NOP14: variants seen among roughly 807,000 people sequenced by gnomAD.
NOP14 encodes nucleolar protein 14.
In NOP14, 57 loss-of-function variants were observed where a neutral mutation model predicts 101.6. The ratio of observed to expected loss-of-function variants is 0.56; its 90% confidence interval spans 0.45 to 0.70. The LOEUF (loss-of-function observed/expected upper bound fraction) is 0.70, where lower values mean the gene tolerates loss of function less well. Among genes scored for constraint, NOP14 ranks in the 30% least tolerant of loss-of-function variants. The pLI is 0.00. For missense variants in NOP14, 1,134 were observed against 1,075.5 expected (o/e 1.05, Z -0.76); for synonymous variants, 428 against 424.0 (o/e 1.01, Z -0.12).
In NOP14 at chr4:2,946,514, T is replaced by C. The variant is rs773832680; in HGVS notation, c.1533A>G (p.Glu511=). The C allele has an allele frequency of 3.7e-6, 6 of 1,614,046 alleles. No individual in the cohort carries two copies. The highest frequency in any genetic ancestry group is 1.3e-5 in the African/African-American group (1 of 74,922). The change falls in exon 11 of 18, where the codon GAA becomes GAG. Residue 511 remains glutamate (E), a synonymous_variant. Coordinates refer to ENST00000416614, the MANE Select transcript of NOP14 (RefSeq NM_001291978.2). The part of the protein sequence containing the change: ...HLYHLCQMFP[E]SASDAIKFVL... ...CAAATTTGATAGCGTCACTTGCAGA[T>C]TCAGGAAACATCTGGCAAAGATGAT...
chr4:2,955,665 G>T (rs1159026667), intron 3 of NOP14, among the ~76,000 whole-genome samples: 1 of 152,264 alleles, frequency 6.6e-6, no homozygotes, highest in Admixed American at 6.5e-5. Flanking sequence ...CAGTCTCGGG[G>T]AATTAGGATC....
intron 15 of NOP14, 44 bp downstream of exon 15, chr4:2,941,538 T>G: frequency 6.3e-7 from 1 of 1,595,800 alleles, no homozygotes. Flanking sequence ...CTCAGGGACA[T>G]GTCTGAGCCC....
rs772268620 is a variant in NOP14 at position 2,938,847 on chromosome 4, T to C, written c.2558A>G (p.Lys853Arg). ...QEGEWKALKR[K>R]KFKK Reference sequence around the variant, plus strand: ...AAATGTAATTTATTTTTTGAACTTTTTCCTCTTCAGAGCCTTCCATTCGCC... The same window carrying C: ...AAATGTAATTTATTTTTTGAACTTTCTCCTCTTCAGAGCCTTCCATTCGCC... The change falls in exon 18 of 18, where the codon AAA becomes AGA. Residue 853 changes from lysine to arginine, a missense_variant. Coordinates refer to ENST00000416614, the MANE Select transcript of NOP14 (RefSeq NM_001291978.2). 1.5e-5 allele frequency: 24 copies of C among 1,613,374 alleles called. No homozygotes were observed. Among genetic ancestry groups the C allele is most frequent in the Middle Eastern group, 1.6e-4 (1 of 6,080 alleles).
chr4:2,947,470 G>A, intron 10 of NOP14, 56 bp downstream of exon 10: 1 of 1,198,946 alleles, frequency 8.3e-7, no homozygotes, highest in Non-Finnish European at 1.2e-6. Flanking sequence ...CTCTAAATGG[G>A]AGAAAAATTG....
chr4:2,955,395 ACG>A (rs1241720536), intron 3 of NOP14, among the ~76,000 whole-genome samples: 1 of 105,982 alleles, frequency 9.4e-6, no homozygotes, highest in Admixed American at 9.8e-5. Flanking sequence ...AGTCACCTGC[ACG>A]CCACGGCGCC....
chr4:2,960,764 T>A, intron 1 of NOP14, among the ~76,000 whole-genome samples: 1 of 90,884 alleles, frequency 1.1e-5, no homozygotes, highest in African/African-American at 4.2e-5. Flanking sequence ...ATCACATTAA[T>A]ATTAATATAT....
Position 2,956,543 on chromosome 4 carries a change from G to A in NOP14, c.472+127C>T, listed in dbSNP as rs529142281. The A allele has an allele frequency of 1.2e-5, 11 of 934,730 alleles. No individual in the cohort carries two copies. The African/African-American group carries it at 1.3e-4, about 11-fold the overall frequency. 57.9% of individuals were successfully genotyped at this position (934,730 alleles called of 1,614,324 possible). ...TGTCACTTGTGAAATTTGTAGAGAG[G>A]TTAATGATCAGTAAAACTTTCATGC... On this transcript the variant is annotated intron_variant, in intron 3 of 17. Transcript: ENST00000416614.
intron 1 of NOP14, among the ~76,000 whole-genome samples, chr4:2,960,461 A>G (rs570166282): frequency 6.6e-6 from 1 of 152,128 alleles, no homozygotes; most frequent in African/African-American, 2.4e-5. Flanking sequence ...AATACGTAAT[A>G]TGAGTTATTC....
intron 10 of NOP14, 27 bp downstream of exon 10, chr4:2,947,498 TC>T (rs1231077537): frequency 1.0e-5 from 15 of 1,490,694 alleles, no homozygotes; most frequent in East Asian, 4.5e-5. Context: ...TAACCCCACA[TC>T]CCAGATGACA....
At chr4:2,945,083 C>A in intron 12 of NOP14, 45 bp downstream of exon 12, 2 of 1,387,090 alleles carry the variant, frequency 1.4e-6, no homozygotes, top group South Asian at 1.2e-5. Context: ...TCCGGCCACC[C>A]GTGGTGCAGC....
At chr4:2,941,766 T>C in intron 14 of NOP14, 37 bp from the exon 15 acceptor site, 3 of 1,599,334 alleles carry the variant, frequency 1.9e-6, no homozygotes, top group Non-Finnish European at 2.6e-6. Context: ...TCCAACTTGT[T>C]CTGTTTGTCA....
At chr4:2,942,579 G>C (rs183981656) in intron 13 of NOP14, among the ~76,000 whole-genome samples, 1 of 152,340 alleles carries the variant, frequency 6.6e-6, no homozygotes, top group African/African-American at 2.4e-5. Context: ...GATCCTGCCT[G>C]AGAGGCCTGC....
At chr4:2,954,315 A>G in intron 4 of NOP14, 109 bp downstream of exon 4, 2 of 1,268,994 alleles carry the variant, frequency 1.6e-6, no homozygotes, top group South Asian at 1.5e-5. Flanking sequence ...CTGAACTCAT[A>G]TAAAATATTA....
At chr4:2,960,756 C>CACATTAATATATTAATATTATAATT (rs1560310743) in intron 1 of NOP14, among the ~76,000 whole-genome samples, 4 of 83,258 alleles carry the variant, frequency 4.8e-5, no homozygotes, top group East Asian at 2.5e-4. Flanking sequence ...ATATTATAAT[C>CACATTAATATATTAATATTATAATT]ACATTAATAT....
intron 1 of NOP14, among the ~76,000 whole-genome samples, chr4:2,960,668 T>TATTAATATTATATTAATATCATAATTAC (rs1715674452): frequency 7.7e-6 from 1 of 129,114 alleles, no homozygotes; most frequent in Non-Finnish European, 1.7e-5. Context: ...TATATTATTA[T>TATTAATATTATATTAATATCATAATTAC]ATTAATATTA....
rs1577813278 is a variant in NOP14 at position 2,939,535 on chromosome 4, C to G, written c.2310G>C (p.Leu770=). ...ATGCTGCCAGCACCCACACTTTGACCAGCCGGGGTGTGAAAAGCTTCAGTG... is the reference window on the plus strand; with the variant it reads ...ATGCTGCCAGCACCCACACTTTGACGAGCCGGGGTGTGAAAAGCTTCAGTG... ...PVPLKLFTPR[L]VKVLEFGRKQ... The change falls in exon 16 of 18, where the codon CTG becomes CTC. Residue 770 remains leucine, a synonymous_variant. Coordinates refer to ENST00000416614, the MANE Select transcript of NOP14 (RefSeq NM_001291978.2). 1 of 1,613,694 alleles carries G rather than the reference C, an allele frequency of 6.2e-7. No homozygotes were observed. The highest frequency in any genetic ancestry group is 8.5e-7 in the Non-Finnish European group (1 of 1,179,820).
Position 2,938,145 on chromosome 4 carries a change from G to A in NOP14, c.*686C>T. 3.2e-6 allele frequency: 4 copies of A among 1,239,288 alleles called. No homozygotes were observed. Among genetic ancestry groups the A allele is most frequent in the Non-Finnish European group, 3.2e-6 (3 of 948,742 alleles). 76.8% of individuals were successfully genotyped at this position (1,239,288 alleles called of 1,614,324 possible). A position where few individuals can be genotyped will look rare whatever the true frequency, so the allele number is the denominator to read the frequency against. On this transcript the variant is annotated 3_prime_UTR_variant, in exon 18 of 18. Transcript: ENST00000416614. ...CAGGATTCATTCTATTTCATCAGGT[G>A]ACGTTTTAACAGAAACAAAACCGCA...
chr4:2,953,772 A>T (rs747641524), intron 4 of NOP14, 127 bp from the exon 5 acceptor site: 14 of 1,013,100 alleles, frequency 1.4e-5, no homozygotes, highest in Non-Finnish European at 2.0e-5. Context: ...CAACACAGAA[A>T]AGAGGCCAGG....
rs767217463 is a variant in NOP14, at chr4:2,944,240, T to G, written c.1738-14A>C. On this transcript the variant is annotated splice_polypyrimidine_tract_variant and intron_variant, in intron 12 of 17. Coordinates refer to ENST00000416614, the MANE Select transcript of NOP14 (RefSeq NM_001291978.2). ...CAGGATGGGGCACTGGAAAGGAACA[T>G]ATGGGGGGTTACTGTCCTGGGACGA... The G allele has an allele frequency of 6.2e-7, 1 of 1,607,286 alleles. No homozygotes were observed. The highest frequency in any genetic ancestry group is 1.7e-5 in the Admixed American group (1 of 58,188).
Sources: gnomAD v4.1 joint callset for allele counts (sites outside exome capture counted in the v4.1 genomes callset) on GRCh38, gnomAD v4.1.1 for gene constraint, MANE v1.5 for transcripts, NCBI Gene and HGNC (gene_info 2026-07-23, HGNC 2026-07-21) for gene names.